The following TRMU variants were observed in gnomAD, a reference collection of about 807,000 sequenced individuals.
TRMU encodes tRNA mitochondrial 2-thiouridylase.
A neutral mutation model predicts 46.9 loss-of-function variants in TRMU; 49 were observed. The observed-to-expected ratio is 1.05, with a 90% CI of 0.83 to 1.33. The LOEUF (loss-of-function observed/expected upper bound fraction) is 1.33. Among genes scored for constraint, TRMU ranks in the 40% most tolerant of loss-of-function variants. TRMU has a pLI of 0.00. For synonymous variants in TRMU, 241 were observed against 200.9 expected, an observed-to-expected ratio of 1.20 and a Z score of -1.69; for missense variants, 572 against 532.4, an observed-to-expected ratio of 1.07 and a Z score of -0.73.
At position 46,335,717 on chromosome 22, in the gene TRMU, G is replaced by A; in HGVS notation, c.-48G>A. The A allele has an allele frequency of 6.5e-7, 1 of 1,535,146 alleles. No individual in the cohort carries two copies. Among genetic ancestry groups the A allele is most frequent in the Non-Finnish European group, 8.7e-7 (1 of 1,142,940 alleles). ...CGGCCGGGGCGGGACTTCCGGCAAG[G>A]CGCGGAAGCGGCGGTAGCTGCAGCT... On this transcript the variant is annotated 5_prime_UTR_variant, in exon 1 of 11. Coordinates refer to ENST00000645190, the MANE Select transcript of TRMU (RefSeq NM_018006.5).
At chr22:46,356,387 G>A (rs1184449312) in intron 10 of TRMU, 2 of 460,018 alleles carry the variant, frequency 4.3e-6, no homozygotes, top group Non-Finnish European at 8.0e-6. Context: ...GAGGCAGAGG[G>A]TCGGGGCCCC....
At chr22:46,355,632 A>C (rs761949317) in intron 9 of TRMU, 44 bp downstream of exon 9, 4 of 1,613,058 alleles carry the variant, frequency 2.5e-6, no homozygotes, top group Non-Finnish European at 2.5e-6. Flanking sequence ...CTTGAAGCTG[A>C]GCTTCCTGAG....
At position 46,352,946 on chromosome 22, in the gene TRMU, A is replaced by C. The variant is rs115872550; in HGVS notation, c.772+616A>C. ...GTGCCTGCCGGCGTGATGATCAGGC[A>C]GGTCTTGACACAGCACAGACCTGAG... On this transcript the variant is annotated intron_variant, in intron 7 of 10. Coordinates refer to ENST00000645190, the MANE Select transcript of TRMU (RefSeq NM_018006.5). 1.2e-3 allele frequency: 237 copies of C among 192,660 alleles called. 1 individual carries two copies. The highest frequency in any genetic ancestry group is 5.4e-3 in the African/African-American group (233 of 43,508). 11.9% of individuals were successfully genotyped at this position (192,660 alleles called of 1,614,324 possible). A position where few individuals can be genotyped will look rare whatever the true frequency, so the allele number is the denominator to read the frequency against.
rs952537427 is a variant in TRMU at position 46,346,284 on chromosome 22, T to C, written c.356-138T>C. On this transcript the variant is annotated intron_variant, in intron 3 of 10. Coordinates refer to ENST00000645190, the MANE Select transcript of TRMU (RefSeq NM_018006.5). ...CGTCTGTTCCCTGGGATCTCTATGT[T>C]TGGGTGCAGGGTGGATTGTGCAGCC... 74 of 1,015,298 alleles carry C rather than the reference T, an allele frequency of 7.3e-5. 1 individual carries two copies. Among genetic ancestry groups the C allele is most frequent in the South Asian group, 5.3e-4 (32 of 59,964 alleles). The allele number at this position is 1,015,298 out of a possible 1,614,324, so 62.9% of individuals were successfully genotyped here.
In TRMU at chr22:46,342,082, C is replaced by T. The variant is rs1298650698; in HGVS notation, c.249-1180C>T. On this transcript the variant is annotated intron_variant, in intron 2 of 10. Transcript: ENST00000645190. This position sits in a 1 kb window ranked among gnomAD's most constrained non-coding sequence, Gnocchi z 4.7. Reference sequence around the variant, plus strand: ...GACTGGGTGTCCTCTGATTCAGTTCCGATACCATCTACTTGGAGATAGTGC... The same window carrying T: ...GACTGGGTGTCCTCTGATTCAGTTCTGATACCATCTACTTGGAGATAGTGC... Among the ~76,000 whole-genome samples, 4 of 152,172 alleles carry T rather than the reference C, an allele frequency of 2.6e-5. No homozygotes were observed. The highest frequency in any genetic ancestry group is 5.9e-5 in the Non-Finnish European group (4 of 68,030).
In TRMU at chr22:46,348,972, C is replaced by CA. The variant is rs2078331979; in HGVS notation, c.479-1316dup. ...ACATGGTGAAACCCCATCTCTACTA[C>CA]AAATACAAAAAAAAAAGTTAGCCGA... On this transcript the variant is annotated intron_variant, in intron 4 of 10. Transcript: ENST00000645190. This position sits in a 1 kb window ranked among gnomAD's most constrained non-coding sequence, Gnocchi z 4.8. Among the ~76,000 whole-genome samples the CA allele has an allele frequency of 6.6e-6, 1 of 151,150 alleles. No homozygotes were observed.
Position 46,348,745 on chromosome 22 carries a change from AAATG to A in TRMU, c.479-1544_479-1541del, listed in dbSNP as rs1228153784. 1.3e-5 allele frequency among the ~76,000 whole-genome samples: 2 copies of A among 152,188 alleles called. No individual in the cohort carries two copies. Among genetic ancestry groups the A allele is most frequent in the African/African-American group, 4.8e-5 (2 of 41,424 alleles). On this transcript the variant is annotated intron_variant, in intron 4 of 10. Transcript: ENST00000645190. The surrounding 1 kb of genome is among the most constrained non-coding windows in gnomAD (Gnocchi z 4.8). ...AATCATAGATTTTTAGTTTGTTTTAAAATGACGCAGAACTAGGAGAAAATGCAAA... is the reference window on the plus strand; with the variant it reads ...AATCATAGATTTTTAGTTTGTTTTAAACGCAGAACTAGGAGAAAATGCAAA...
chr22:46,353,514 C>G, intron 7 of TRMU: 1 of 428,438 alleles, frequency 2.3e-6, no homozygotes, highest in Non-Finnish European at 4.5e-6. Context: ...GGAACCTGCA[C>G]CTTCTGGGGC....
At chr22:46,346,369 G>A in intron 3 of TRMU, 53 bp from the exon 4 acceptor site, 2 of 1,595,158 alleles carry the variant, frequency 1.3e-6, no homozygotes, top group East Asian at 2.3e-5. Context: ...TGCTGATCAA[G>A]GCCTGCAAGT....
chr22:46,355,761 C>T (rs2078584685), intron 9 of TRMU, 173 bp downstream of exon 9: 2 of 1,204,376 alleles, frequency 1.7e-6, no homozygotes, highest in Non-Finnish European at 1.2e-6. Context: ...TGAGCGAGGC[C>T]TGGGGGTGCT....
At position 46,335,756 on chromosome 22, in the gene TRMU, G is replaced by T. The variant is rs1406614136; in HGVS notation, c.-9G>T. ...GTAGCTGCAGCTGGCGAAGTTGGGCGACTGGCGGATGCAGGCCTTGCGGCA... is the reference window on the plus strand; with the variant it reads ...GTAGCTGCAGCTGGCGAAGTTGGGCTACTGGCGGATGCAGGCCTTGCGGCA... On this transcript the variant is annotated 5_prime_UTR_variant, in exon 1 of 11. Transcript: ENST00000645190. The T allele has an allele frequency of 1.3e-6, 2 of 1,549,680 alleles. No individual in the cohort carries two copies. Among genetic ancestry groups the T allele is most frequent in the South Asian group, 2.4e-5 (2 of 84,788 alleles).
At chr22:46,340,046 G>A (rs890320103) in intron 2 of TRMU, among the ~76,000 whole-genome samples, 7 of 152,144 alleles carry the variant, frequency 4.6e-5, no homozygotes, top group African/African-American at 1.7e-4. Flanking sequence ...CATGGGGAGG[G>A]AGTGTGGGAG....
Position 46,351,889 on chromosome 22 carries a change from G to C in TRMU, c.652-232G>C, listed in dbSNP as rs564001431. 3.2e-6 allele frequency: 2 copies of C among 634,706 alleles called. No homozygotes were observed. The highest frequency in any genetic ancestry group is 5.0e-5 in the Admixed American group (2 of 40,144). The allele number at this position is 634,706 out of a possible 1,614,324, so 39.3% of individuals were successfully genotyped here. ...GGGGCAGCTGGTGTGAGGGTCTCCC[G>C]CGCAGGGTCAGACCCCGCGGGCCGA... On this transcript the variant is annotated intron_variant, in intron 5 of 10. Coordinates refer to ENST00000645190, the MANE Select transcript of TRMU (RefSeq NM_018006.5). This position sits in a 1 kb window ranked among gnomAD's most constrained non-coding sequence, Gnocchi z 6.4.
At chr22:46,337,200 C>T (rs910649535) in intron 1 of TRMU, among the ~76,000 whole-genome samples, 2 of 152,158 alleles carry the variant, frequency 1.3e-5, no homozygotes, top group African/African-American at 4.8e-5. Context: ...CCTAAACGAA[C>T]CAGCTTTCTC....
At chr22:46,337,351 T>C (rs1383628586) in intron 1 of TRMU, among the ~76,000 whole-genome samples, 2 of 152,226 alleles carry the variant, frequency 1.3e-5, no homozygotes, top group African/African-American at 4.8e-5. Context: ...TTACAAAATA[T>C]CGAAAATTTT....
chr22:46,345,181 C>T (rs2078219744), intron 3 of TRMU, among the ~76,000 whole-genome samples: 1 of 152,118 alleles, frequency 6.6e-6, no homozygotes, highest in South Asian at 2.1e-4. Flanking sequence ...AGCAATTCTC[C>T]TGCCTCAGCC....
chr22:46,353,893 C>T (rs1283141302), intron 8 of TRMU, 26 bp downstream of exon 8: 1 of 1,607,514 alleles, frequency 6.2e-7, no homozygotes, highest in Non-Finnish European at 8.5e-7. Flanking sequence ...TCTGAGACAG[C>T]ACTGGGGCTG....
chr22:46,355,865 G>GC, intron 9 of TRMU, 125 bp from the exon 10 acceptor site: 1 of 1,166,524 alleles, frequency 8.6e-7, no homozygotes, highest in East Asian at 2.5e-5. Context: ...CCAGGCTGGT[G>GC]CCCTGCCCTT....
In TRMU at chr22:46,336,903, A is replaced by T. The variant is rs939160528; in HGVS notation, c.83-876A>T. Among the ~76,000 whole-genome samples the T allele has an allele frequency of 6.6e-6, 1 of 152,128 alleles. No homozygotes were observed. Among genetic ancestry groups the T allele is most frequent in the African/African-American group, 2.4e-5 (1 of 41,420 alleles). On this transcript the variant is annotated intron_variant, in intron 1 of 10. Coordinates refer to ENST00000645190, the MANE Select transcript of TRMU (RefSeq NM_018006.5). This position sits in a 1 kb window ranked among gnomAD's most constrained non-coding sequence, Gnocchi z 4.1. ...AGGCGGCCCTCCCGGCACAGTCAGC[A>T]GTGCAAGCAGAATCACAGAGGCCTG...
Sources: allele counts gnomAD v4.1 joint callset (sites outside exome capture counted in the v4.1 genomes callset), GRCh38; gene constraint gnomAD v4.1.1; non-coding constraint Gnocchi (gnomAD v3.1); transcripts MANE v1.5; gene names NCBI Gene and HGNC (gene_info 2026-07-23, HGNC 2026-07-21).